Variants in RIMS1 observed in about 807,000 individuals in gnomAD.
The protein encoded by RIMS1 is regulating synaptic membrane exocytosis protein 1.
In RIMS1, 83 loss-of-function variants were observed where a neutral mutation model predicts 214.1. The ratio of observed to expected loss-of-function variants is 0.39; its 90% CI spans 0.32 to 0.47. The LOEUF is 0.47. Ranked by LOEUF, RIMS1 falls within the 20% of genes least tolerant of loss-of-function variation. The probability of loss-of-function intolerance (pLI) is 0.99; values close to 1 mark genes in which losing one functional copy is unlikely to be tolerated. For missense variants in RIMS1, 2,050 were observed against 2,161.8 expected, an observed-to-expected ratio of 0.95 and a Z score of 1.03; for synonymous variants, 793 against 786.8, an observed-to-expected ratio of 1.01 and a Z score of -0.13.
chr6:72,251,469 A>T, intron 15 of RIMS1, 101 bp downstream of exon 15: 1 of 955,258 alleles, frequency 1.0e-6, no homozygotes, highest in Non-Finnish European at 1.5e-6. Flanking sequence ...TTTATTAGAG[A>T]TCAAAATACT....
At chr6:72,101,027 C>A (rs943825764) in intron 4 of RIMS1, among the ~76,000 whole-genome samples, 1 of 151,776 alleles carries the variant, frequency 6.6e-6, no homozygotes, top group African/African-American at 2.4e-5. Context: ...ATTATAATGC[C>A]AATTTCATCA....
At chr6:72,251,896 G>A (rs768354881) in intron 15 of RIMS1, among the ~76,000 whole-genome samples, 7 of 152,134 alleles carry the variant, frequency 4.6e-5, no homozygotes, top group Non-Finnish European at 7.3e-5. Context: ...TGTATATTTA[G>A]TAGAGATGGG....
intron 9 of RIMS1, among the ~76,000 whole-genome samples, chr6:72,239,442 G>A (rs772089719): frequency 2.6e-5 from 4 of 152,156 alleles, no homozygotes; most frequent in African/African-American, 7.2e-5. Context: ...TGTATTCGAA[G>A]AAAGTGAAGT....
At chr6:72,290,060 T>A (rs951329354) in intron 24 of RIMS1, among the ~76,000 whole-genome samples, 8 of 152,194 alleles carry the variant, frequency 5.3e-5, no homozygotes, top group African/African-American at 1.4e-4. Context: ...TTTTTATCCA[T>A]ATTTCAGCCA....
At chr6:71,974,732 T>A (rs1796734438) in intron 2 of RIMS1, among the ~76,000 whole-genome samples, 1 of 152,168 alleles carries the variant, frequency 6.6e-6, no homozygotes, top group African/African-American at 2.4e-5. Context: ...GAGAGCTAAT[T>A]TAGGCACTAA....
chr6:72,193,003 T>A (rs1293983782), intron 6 of RIMS1, among the ~76,000 whole-genome samples: 2 of 152,218 alleles, frequency 1.3e-5, no homozygotes, highest in Non-Finnish European at 2.9e-5. Flanking sequence ...GTATTAACCA[T>A]CACAATATGT....
intron 24 of RIMS1, among the ~76,000 whole-genome samples, chr6:72,285,481 T>G (rs564620985): frequency 6.6e-6 from 1 of 152,310 alleles, no homozygotes; most frequent in Non-Finnish European, 1.5e-5. Context: ...TGAGTAGGTG[T>G]GAGACATATC....
At chr6:72,323,397 ATTAT>A (rs1230184065) in intron 28 of RIMS1, among the ~76,000 whole-genome samples, 1 of 152,046 alleles carries the variant, frequency 6.6e-6, no homozygotes, top group South Asian at 2.1e-4. Context: ...AGGAGGATGG[ATTAT>A]TTAACAGAGA....
In RIMS1 at chr6:72,252,265, A is replaced by C. The variant is rs534021645; in HGVS notation, c.2699-496A>C. Among the ~76,000 whole-genome samples, 9 of 152,260 alleles carry C rather than the reference A, an allele frequency of 5.9e-5. No homozygotes were observed. The South Asian group carries it at 1.9e-3, about 32-fold the overall frequency. ...CTTCCCTGATCAGTAATTTCCTCAA[A>C]GTTAATGTTTAATGAAGTATAATGA... On this transcript the variant is annotated intron_variant, in intron 15 of 33. Transcript: ENST00000521978.
chr6:72,296,896 CCAGA>C (rs1447004806), intron 26 of RIMS1, among the ~76,000 whole-genome samples: 1 of 151,660 alleles, frequency 6.6e-6, no homozygotes. Flanking sequence ...GACTACAAAC[CCAGA>C]TCTTTTTACT....
At chr6:72,185,969 T>C (rs2049038555) in intron 6 of RIMS1, among the ~76,000 whole-genome samples, 1 of 152,244 alleles carries the variant, frequency 6.6e-6, no homozygotes, top group South Asian at 2.1e-4. Context: ...CTAGTAAATA[T>C]ATGTTATCTT....
chr6:72,014,600 G>T (rs897337778), intron 2 of RIMS1, among the ~76,000 whole-genome samples: 1 of 152,112 alleles, frequency 6.6e-6, no homozygotes, highest in African/African-American at 2.4e-5. Context: ...GTAGGCATTT[G>T]TTTTCAATTT....
chr6:72,286,354 AT>A (rs1470616095), intron 24 of RIMS1, among the ~76,000 whole-genome samples: 1 of 152,212 alleles, frequency 6.6e-6, no homozygotes, highest in East Asian at 1.9e-4. Flanking sequence ...GATTAATGAT[AT>A]TGAGGCATCT....
At position 72,000,387 on chromosome 6, in the gene RIMS1, A is replaced by G. The variant is rs184412905; in HGVS notation, c.245+31324A>G. On this transcript the variant is annotated intron_variant, in intron 2 of 33. Transcript: ENST00000521978. ...CAAGCATATCTAGCAGATTTATAACACTGTTTTTGGAAAATAAATGACTAA... is the reference window on the plus strand; with the variant it reads ...CAAGCATATCTAGCAGATTTATAACGCTGTTTTTGGAAAATAAATGACTAA... Among the ~76,000 whole-genome samples, 554 of 152,292 alleles carry G rather than the reference A, an allele frequency of 3.6e-3. 5 individuals are homozygous for G. The highest frequency in any genetic ancestry group is 0.013 in the African/African-American group (536 of 41,570).
chr6:71,894,702 G>C (rs1259335071), intron 1 of RIMS1, among the ~76,000 whole-genome samples: 1 of 152,144 alleles, frequency 6.6e-6, no homozygotes, highest in Non-Finnish European at 1.5e-5. Context: ...ATATTCCTCT[G>C]AGTTTAGATG....
chr6:72,377,342 T>C (rs2098408274), intron 29 of RIMS1, among the ~76,000 whole-genome samples: 1 of 152,154 alleles, frequency 6.6e-6, no homozygotes, highest in Non-Finnish European at 1.5e-5. Flanking sequence ...TAGAAAGACA[T>C]CTGGGCTAGC....
rs575688108 is a variant in RIMS1, at chr6:72,312,872, C to T, written c.3964-634C>T. Among the ~76,000 whole-genome samples the T allele has an allele frequency of 3.9e-5, 6 of 152,242 alleles. No homozygotes were observed. In the South Asian group the frequency reaches 6.2e-4, roughly 16 times the overall value. On this transcript the variant is annotated intron_variant, in intron 27 of 33. Transcript: ENST00000521978. ...ATCAAAAACTATATACAGGTGGAAG[C>T]AGTCTATACAGGTCAAGTATCCCTT...
At chr6:71,988,312 T>G (rs1427138587) in intron 2 of RIMS1, among the ~76,000 whole-genome samples, 1 of 152,130 alleles carries the variant, frequency 6.6e-6, no homozygotes, top group Non-Finnish European at 1.5e-5. Context: ...TCTTGTTGTT[T>G]CCTATTGCCA....
chr6:72,034,974 A>G (rs1819208792), intron 2 of RIMS1, among the ~76,000 whole-genome samples: 1 of 152,162 alleles, frequency 6.6e-6, no homozygotes, highest in African/African-American at 2.4e-5. Context: ...CTCCAATAGT[A>G]CTAATTGTTT....
Sources: allele counts gnomAD v4.1 joint callset (sites outside exome capture counted in the v4.1 genomes callset), GRCh38; gene constraint gnomAD v4.1.1; transcripts MANE v1.5; gene names NCBI Gene and HGNC (gene_info 2026-07-23, HGNC 2026-07-21).